Variants in ZC2HC1A observed in about 807,000 individuals in gnomAD.
ZC2HC1A encodes the protein zinc finger C2HC domain-containing protein 1A.
In ZC2HC1A, 28 loss-of-function variants were observed where a neutral mutation model predicts 40.7. That is an observed-to-expected ratio of 0.69 (90% CI 0.51 to 0.94). The LOEUF is 0.94. ZC2HC1A is among the 40% of genes least tolerant of loss of function. ZC2HC1A has a pLI of 0.00. For synonymous variants in ZC2HC1A, 129 were observed against 129.2 expected, an observed-to-expected ratio of 1.00 and a Z score of 0.01; for missense variants, 389 against 386.3, an observed-to-expected ratio of 1.01 and a Z score of -0.06.
intron 3 of ZC2HC1A, among the ~76,000 whole-genome samples, chr8:78,684,808 A>C (rs1009747659): frequency 6.6e-6 from 1 of 152,224 alleles, no homozygotes; most frequent in Non-Finnish European, 1.5e-5. Flanking sequence ...TAATAAAGAT[A>C]CAAGACTTCC....
At chr8:78,674,586 T>C (rs1262330584) in intron 1 of ZC2HC1A, among the ~76,000 whole-genome samples, 1 of 152,142 alleles carries the variant, frequency 6.6e-6, no homozygotes, top group East Asian at 1.9e-4. Context: ...AAATCTTAGC[T>C]TTGCTTTTGT....
At chr8:78,716,104 T>C (rs1016486275) in intron 8 of ZC2HC1A, among the ~76,000 whole-genome samples, 11 of 150,602 alleles carry the variant, frequency 7.3e-5, no homozygotes. Context: ...CCTTTATTAC[T>C]GTTTTTTTTT....
intron 7 of ZC2HC1A, among the ~76,000 whole-genome samples, chr8:78,704,385 C>T (rs1458683934): frequency 1.6e-5 from 2 of 122,080 alleles, no homozygotes; most frequent in Non-Finnish European, 3.3e-5. Context: ...GAGACTCCAT[C>T]TCAAAAAAAA....
chr8:78,685,459 A>T (rs2130479719), intron 3 of ZC2HC1A, among the ~76,000 whole-genome samples: 1 of 152,316 alleles, frequency 6.6e-6, no homozygotes, highest in East Asian at 1.9e-4. Context: ...ATTAAACTGT[A>T]ATTAAAACAT....
At chr8:78,695,232 C>A (rs1810359773) in intron 5 of ZC2HC1A, among the ~76,000 whole-genome samples, 1 of 151,944 alleles carries the variant, frequency 6.6e-6, no homozygotes, top group Non-Finnish European at 1.5e-5. Flanking sequence ...TCAGAAAACT[C>A]AACAATAAAA....
chr8:78,672,363 TTAATA>T (rs1809458367), intron 1 of ZC2HC1A, among the ~76,000 whole-genome samples: 1 of 152,178 alleles, frequency 6.6e-6, no homozygotes, highest in Non-Finnish European at 1.5e-5. Context: ...CCAATTAATC[TTAATA>T]TAAGTATCAT....
intron 8 of ZC2HC1A, 110 bp downstream of exon 8, chr8:78,715,438 T>G: frequency 9.8e-7 from 1 of 1,019,664 alleles, no homozygotes; most frequent in Non-Finnish European, 1.4e-6. Flanking sequence ...AAACCTGATT[T>G]TTTTCTTTTA....
intron 7 of ZC2HC1A, among the ~76,000 whole-genome samples, chr8:78,699,182 G>A (rs185987487): frequency 1.2e-3 from 177 of 152,098 alleles, no homozygotes; most frequent in Non-Finnish European, 3.1e-4. Context: ...TAGAAGCAGT[G>A]GGGTGATTCT....
chr8:78,668,442 T>C, intron 1 of ZC2HC1A, among the ~76,000 whole-genome samples: 1 of 152,190 alleles, frequency 6.6e-6, no homozygotes, highest in East Asian at 1.9e-4. Flanking sequence ...TGTTTCTAGT[T>C]GAAACCAGTT....
chr8:78,682,979 G>A (rs948831979), intron 3 of ZC2HC1A, among the ~76,000 whole-genome samples: 3 of 152,226 alleles, frequency 2.0e-5, no homozygotes, highest in East Asian at 1.9e-4. Context: ...GCTCTGAAAC[G>A]ATCTCCTTTG....
intron 3 of ZC2HC1A, among the ~76,000 whole-genome samples, chr8:78,684,697 C>T (rs920567989): frequency 6.6e-6 from 1 of 152,086 alleles, no homozygotes; most frequent in Non-Finnish European, 1.5e-5. Context: ...AATAACTAAG[C>T]TTCATATACT....
rs1471445872 is a variant in ZC2HC1A, at chr8:78,718,396, A to G, written c.*903A>G. 1 of 151,980 alleles carries G rather than the reference A, an allele frequency of 6.6e-6. No homozygotes were observed. Among genetic ancestry groups the G allele is most frequent in the African/African-American group, 2.4e-5 (1 of 41,450 alleles). 9.4% of individuals were successfully genotyped at this position (151,980 alleles called of 1,614,324 possible). A position where few individuals can be genotyped will look rare whatever the true frequency, so the allele number is the denominator to read the frequency against. The stretch of plus-strand genomic sequence containing the variant: ...AAAAACATATAATTTTTTGTATCTG[A>G]ATTTAGAATAAATCATTTTAATGCA... On this transcript the variant is annotated 3_prime_UTR_variant, in exon 9 of 9. Coordinates refer to ENST00000263849, the MANE Select transcript of ZC2HC1A (RefSeq NM_016010.3).
intron 1 of ZC2HC1A, among the ~76,000 whole-genome samples, chr8:78,675,434 A>C (rs1371929720): frequency 1.3e-5 from 2 of 152,014 alleles, no homozygotes; most frequent in African/African-American, 2.4e-5. Flanking sequence ...GAAATTAATA[A>C]GATAAATTTT....
chr8:78,675,754 A>G lies in ZC2HC1A; in HGVS notation c.17-33A>G, dbSNP rs771696578. 11 of 1,491,872 alleles carry G rather than the reference A, an allele frequency of 7.4e-6. No individual in the cohort carries two copies. In the East Asian group the frequency reaches 9.2e-5, roughly 12 times the overall value. 92.4% of individuals were successfully genotyped at this position (1,491,872 alleles called of 1,614,324 possible). A position where few individuals can be genotyped will look rare whatever the true frequency, so the allele number is the denominator to read the frequency against. ...GTGAAGTTTCACAATTTCAAGTTATATAAATTATTTATTAAATTCCTTCCT... is the reference window on the plus strand; with the variant it reads ...GTGAAGTTTCACAATTTCAAGTTATGTAAATTATTTATTAAATTCCTTCCT... On this transcript the variant is annotated intron_variant, in intron 1 of 8. Transcript: ENST00000263849.
chr8:78,688,873 A>C (rs995933459), intron 4 of ZC2HC1A, among the ~76,000 whole-genome samples: 1 of 152,118 alleles, frequency 6.6e-6, no homozygotes, highest in Non-Finnish European at 1.5e-5. Flanking sequence ...CTAGTCTGCT[A>C]TATAAAGTAT....
At chr8:78,715,470 C>A in intron 8 of ZC2HC1A, 142 bp downstream of exon 8, 1 of 688,880 alleles carries the variant, frequency 1.5e-6, no homozygotes. Context: ...AAGTTGTACA[C>A]CTCTAATGGA....
chr8:78,702,608 A>G (rs954470482), intron 7 of ZC2HC1A, among the ~76,000 whole-genome samples: 2 of 152,064 alleles, frequency 1.3e-5, no homozygotes, highest in African/African-American at 4.8e-5. Flanking sequence ...AGTCCTATAA[A>G]TTTCCCTTTT....
chr8:78,715,940 C>T (rs1486969095), intron 8 of ZC2HC1A, among the ~76,000 whole-genome samples: 27 of 147,738 alleles, frequency 1.8e-4, no homozygotes, highest in African/African-American at 5.0e-4. Context: ...CTCAGGAGGC[C>T]GAGGCAGGAG....
rs761638942 is a variant in ZC2HC1A at position 78,715,255 on chromosome 8, A to C, written c.739A>C (p.Ser247Arg). The part of the protein sequence containing the change: ...NVKPRNSTPP[S>R]LARNPAPGVL... ...CAAACCCCGAAATTCCACACCACCTAGTTTGGCAAGAAATCCTGCCCCAGG... is the reference window on the plus strand; with the variant it reads ...CAAACCCCGAAATTCCACACCACCTCGTTTGGCAAGAAATCCTGCCCCAGG... The change falls in exon 8 of 9, where the codon AGT becomes CGT. Residue 247 changes from serine (S) to arginine (R), a missense_variant. By Grantham distance (110) the Ser-to-Arg change is moderately radical. Coordinates refer to ENST00000263849, the MANE Select transcript of ZC2HC1A (RefSeq NM_016010.3). The C allele has an allele frequency of 6.2e-7, 1 of 1,613,968 alleles. No individual in the cohort carries two copies. Among genetic ancestry groups the C allele is most frequent in the Non-Finnish European group, 8.5e-7 (1 of 1,179,950 alleles).
Sources: gnomAD v4.1 joint callset for allele counts (sites outside exome capture counted in the v4.1 genomes callset) on GRCh38, gnomAD v4.1.1 for gene constraint, MANE v1.5 for transcripts, NCBI Gene and HGNC (gene_info 2026-07-23, HGNC 2026-07-21) for gene names.